Variants in ZNF107 observed in about 807,000 individuals in gnomAD.
The protein encoded by ZNF107 is zinc finger protein 107.
ZNF107 carries 19 observed loss-of-function variants against 12.3 expected under a neutral mutation model. The ratio of observed to expected loss-of-function variants is 1.55; its 90% CI spans 1.08 to 2.27. The LOEUF is 2.27. Among genes scored for constraint, ZNF107 ranks in the 30% most tolerant of loss-of-function variants. The pLI is 0.00. For synonymous variants in ZNF107, 317 were observed against 330.5 expected, an observed-to-expected ratio of 0.96 and a Z score of 0.44; for missense variants, 958 against 979.9, an observed-to-expected ratio of 0.98 and a Z score of 0.30.
At chr7:64,673,120 T>C (rs1789295467) in intron 1 of ZNF107, among the ~76,000 whole-genome samples, 1 of 152,232 alleles carries the variant, frequency 6.6e-6, no homozygotes, top group South Asian at 2.1e-4. Context: ...CTTGGCTCAC[T>C]GCAACCTCTC....
chr7:64,703,284 CTGTT>C (rs1310148187), intron 3 of ZNF107, among the ~76,000 whole-genome samples: 13 of 152,076 alleles, frequency 8.5e-5, no homozygotes, highest in African/African-American at 2.9e-4. Context: ...ATGTAATTAT[CTGTT>C]TGTATAAATA....
chr7:64,667,461 C>T (rs1176588772), intron 1 of ZNF107, among the ~76,000 whole-genome samples: 1 of 130,508 alleles, frequency 7.7e-6, no homozygotes, highest in Non-Finnish European at 1.8e-5. Context: ...TTTTATCTTC[C>T]CTAGGCGCAG....
rs1026871125 is a variant in ZNF107, at chr7:64,707,514, A to T, written c.1417A>T (p.Lys473Ter). ...NQHSNLINHR[K>*]IYSGEKPYKC... ...ACACTCAAACCTAATTAACCATAGG[A>T]AAATTTATTCTGGAGAGAAACCATA... is the stretch of plus-strand genomic sequence containing the variant. The change falls in exon 4 of 4, where the codon AAA becomes TAA. Residue 473 changes from lysine to a stop codon, truncating the protein, a stop_gained. Transcript: ENST00000620827. LOFTEE classifies it low-confidence loss of function (END_TRUNC). The T allele has an allele frequency of 6.2e-7, 1 of 1,613,514 alleles. No individual in the cohort carries two copies. Among genetic ancestry groups the T allele is most frequent in the South Asian group, 1.1e-5 (1 of 91,034 alleles).
chr7:64,672,986 T>C (rs1789290073), intron 1 of ZNF107, among the ~76,000 whole-genome samples: 1 of 152,190 alleles, frequency 6.6e-6, no homozygotes, highest in African/African-American at 2.4e-5. Context: ...TGGTATGAGA[T>C]GGTATCTCAT....
chr7:64,700,506 C>CCT (rs368830901), intron 3 of ZNF107, among the ~76,000 whole-genome samples: 2 of 66,252 alleles, frequency 3.0e-5, no homozygotes, highest in Middle Eastern at 0.017. Flanking sequence ...CCAAATAAAC[C>CCT]TTTTTTTTTT....
chr7:64,702,018 G>T (rs1278418222), intron 3 of ZNF107, among the ~76,000 whole-genome samples: 2 of 151,440 alleles, frequency 1.3e-5, no homozygotes, highest in Non-Finnish European at 2.9e-5. Flanking sequence ...TTTTTCTTCT[G>T]TTTTCTTCAA....
chr7:64,666,364 C>T (rs1316722536), intron 1 of ZNF107, 79 bp downstream of exon 1: 2 of 1,562,502 alleles, frequency 1.3e-6, no homozygotes, highest in East Asian at 2.3e-5. Context: ...TGGCTGGACT[C>T]GGGCCTCCAA....
rs998600230 is a variant in ZNF107, at chr7:64,709,901, G to T, written c.*1245G>T. The T allele has an allele frequency of 2.9e-6, 1 of 347,748 alleles. No homozygotes were observed. Among genetic ancestry groups the T allele is most frequent in the East Asian group, 9.7e-5 (1 of 10,360 alleles). 21.5% of individuals were successfully genotyped at this position (347,748 alleles called of 1,614,324 possible). A position where few individuals can be genotyped will look rare whatever the true frequency, so the allele number is the denominator to read the frequency against. The stretch of plus-strand genomic sequence containing the variant: ...GCACTTTGGGAGGCCAAGGTGGGTG[G>T]ATCACCTGAGGGCAGGAGTCTGAGA... On this transcript the variant is annotated 3_prime_UTR_variant, in exon 4 of 4. Transcript: ENST00000620827.
At chr7:64,672,690 C>T (rs1218750632) in intron 1 of ZNF107, among the ~76,000 whole-genome samples, 1 of 152,068 alleles carries the variant, frequency 6.6e-6, no homozygotes, top group Non-Finnish European at 1.5e-5. Context: ...TCCAGTCTAC[C>T]GTCGATAGGT....
intron 1 of ZNF107, among the ~76,000 whole-genome samples, chr7:64,676,562 T>G (rs1265003014): frequency 6.6e-6 from 1 of 152,198 alleles, no homozygotes; most frequent in Non-Finnish European, 1.5e-5. Flanking sequence ...GAAAGCAAAT[T>G]AAATCTTGGG....
intron 3 of ZNF107, among the ~76,000 whole-genome samples, chr7:64,700,506 C>CTT (rs141980471): frequency 0.12 from 8,003 of 66,220 alleles, 1,930 homozygotes; most frequent in Admixed American, 0.15. Context: ...CCAAATAAAC[C>CTT]TTTTTTTTTT....
At chr7:64,671,727 G>A (rs10085484) in intron 1 of ZNF107, among the ~76,000 whole-genome samples, 10,780 of 151,172 alleles carry the variant, frequency 0.071, 572 homozygotes, top group East Asian at 0.27. Context: ...TTATTTTATC[G>A]CTGAGATACT....
chr7:64,693,314 G>GTTTTTT (rs376161398), intron 3 of ZNF107, among the ~76,000 whole-genome samples: 1 of 134,968 alleles, frequency 7.4e-6, no homozygotes, highest in Non-Finnish European at 1.6e-5. Context: ...CGCCTGGCCA[G>GTTTTTT]TTTTTTTTTT....
chr7:64,673,352 A>G (rs1789305792), intron 1 of ZNF107, among the ~76,000 whole-genome samples: 1 of 152,178 alleles, frequency 6.6e-6, no homozygotes, highest in African/African-American at 2.4e-5. Context: ...GAGCATTTTT[A>G]AAATTTACTT....
At chr7:64,673,592 G>T (rs1335378364) in intron 1 of ZNF107, among the ~76,000 whole-genome samples, 1 of 152,164 alleles carries the variant, frequency 6.6e-6, no homozygotes, top group African/African-American at 2.4e-5. Flanking sequence ...CTATTTGTCA[G>T]TTTTAGCTTT....
At chr7:64,688,288 A>C in intron 1 of ZNF107, among the ~76,000 whole-genome samples, 3 of 124,754 alleles carry the variant, frequency 2.4e-5, no homozygotes, top group East Asian at 2.3e-4. Context: ...ATGGGTTCTC[A>C]CTCTGTTGCC....
chr7:64,706,708 A>G lies in ZNF107; in HGVS notation c.611A>G (p.Glu204Gly). 2 of 1,612,568 alleles carry G rather than the reference A, an allele frequency of 1.2e-6. No individual in the cohort carries two copies. Among genetic ancestry groups the G allele is most frequent in the Admixed American group, 1.7e-5 (1 of 59,746 alleles). ...IHTRVNSYKC[E>G]ECGKAFNWFS... ...ACTAGAGTGAATTCCTACAAATGTG[A>G]AGAATGTGGAAAAGCCTTTAACTGG... Residue 204 changes from glutamate to glycine, a missense_variant, in exon 4 of 4, where the codon GAA becomes GGA. Transcript: ENST00000620827.
At chr7:64,692,293 T>C (rs1159553650) in intron 3 of ZNF107, among the ~76,000 whole-genome samples, 2 of 152,172 alleles carry the variant, frequency 1.3e-5, no homozygotes, top group Non-Finnish European at 2.9e-5. Flanking sequence ...TGAAAACCTC[T>C]ATGTTAAACT....
At chr7:64,703,358 G>A (rs188800495) in intron 3 of ZNF107, among the ~76,000 whole-genome samples, 1 of 151,886 alleles carries the variant, frequency 6.6e-6, no homozygotes, top group Non-Finnish European at 1.5e-5. Flanking sequence ...GTGAATGGTT[G>A]TTCAATTTTG....
Sources: allele counts gnomAD v4.1 joint callset (sites outside exome capture counted in the v4.1 genomes callset), GRCh38; gene constraint gnomAD v4.1.1; transcripts MANE v1.5; gene names NCBI Gene and HGNC (gene_info 2026-07-23, HGNC 2026-07-21).